CADPS: variants seen among roughly 807,000 people sequenced by gnomAD.
The protein encoded by CADPS is calcium-dependent secretion activator 1.
In CADPS, 57 loss-of-function variants were observed where a neutral mutation model predicts 167.3. The ratio of observed to expected loss-of-function variants is 0.34; its 90% CI spans 0.28 to 0.42. The LOEUF is 0.42. Among genes scored for constraint, CADPS ranks in the 20% least tolerant of loss-of-function variants. CADPS has a pLI of 1.00. For synonymous variants in CADPS, 676 were observed against 635.3 expected (o/e 1.06, Z -0.96); for missense variants, 1,414 against 1,738.1 (o/e 0.81, Z 3.32).
intron 3 of CADPS, among the ~76,000 whole-genome samples, chr3:62,749,063 T>C (rs1434857824): frequency 1.3e-5 from 2 of 152,226 alleles, no homozygotes; most frequent in Admixed American, 1.3e-4. Context: ...CAAGGGTCTA[T>C]GAAAAATAAA....
intron 12 of CADPS, among the ~76,000 whole-genome samples, chr3:62,533,413 G>T (rs188231633): frequency 1.4e-4 from 22 of 152,214 alleles, no homozygotes; most frequent in Admixed American, 5.9e-4. Context: ...TATTGGGGTG[G>T]GGATGTGGCA....
chr3:62,469,870 A>G (rs2060384169), intron 24 of CADPS, among the ~76,000 whole-genome samples: 1 of 152,128 alleles, frequency 6.6e-6, no homozygotes, highest in African/African-American at 2.4e-5. Context: ...GGGAACTACT[A>G]ATATTCAATG....
intron 3 of CADPS, among the ~76,000 whole-genome samples, chr3:62,732,789 G>A (rs1411358178): frequency 6.6e-6 from 1 of 152,180 alleles, no homozygotes; most frequent in Non-Finnish European, 1.5e-5. Context: ...TGGTTGTAAT[G>A]TCTTATGGTG....
chr3:62,410,336 G>T (rs146913926), intron 28 of CADPS, among the ~76,000 whole-genome samples: 1 of 152,314 alleles, frequency 6.6e-6, no homozygotes, highest in African/African-American at 2.4e-5. Context: ...GCATGTTCAA[G>T]CCATCTATAT....
At chr3:62,730,559 GGT>G (rs1358508280) in intron 3 of CADPS, among the ~76,000 whole-genome samples, 1 of 151,730 alleles carries the variant, frequency 6.6e-6, no homozygotes, top group Non-Finnish European at 1.5e-5. Context: ...TTCTAAGCTT[GGT>G]GACTTGGGTC....
intron 11 of CADPS, 73 bp downstream of exon 11, chr3:62,549,830 G>A: frequency 8.4e-7 from 1 of 1,186,478 alleles, no homozygotes; most frequent in South Asian, 1.4e-5. Flanking sequence ...AAGCAACTAG[G>A]TTTTCTAATT....
chr3:62,663,776 CCAT>C (rs1374578531), intron 3 of CADPS, among the ~76,000 whole-genome samples: 1 of 152,116 alleles, frequency 6.6e-6, no homozygotes, highest in African/African-American at 2.4e-5. Context: ...CATTGAAAAT[CCAT>C]CTGGCTTTAT....
At chr3:62,833,366 G>A (rs959944352) in intron 1 of CADPS, among the ~76,000 whole-genome samples, 3 of 151,732 alleles carry the variant, frequency 2.0e-5, no homozygotes, top group Non-Finnish European at 2.9e-5. Context: ...TGTTGCCCAG[G>A]CTGGTCTTGA....
rs561588589 is a variant in CADPS at position 62,433,272 on chromosome 3, A to G, written c.3777+4832T>C. 6.6e-6 allele frequency among the ~76,000 whole-genome samples: 1 copy of G among 152,324 alleles called. No homozygotes were observed. The highest frequency in any genetic ancestry group is 2.1e-4 in the South Asian group (1 of 4,828). On this transcript the variant is annotated intron_variant, in intron 28 of 29. Coordinates refer to ENST00000383710, the MANE Select transcript of CADPS (RefSeq NM_003716.4). This position sits in a 1 kb window ranked among gnomAD's most constrained non-coding sequence, Gnocchi z 4.7. Reference sequence around the variant, plus strand: ...ATTACCCTTTTCAAGGGAACTAGTCACACTCAATTATTGTTCTGCCACACA... The same window carrying G: ...ATTACCCTTTTCAAGGGAACTAGTCGCACTCAATTATTGTTCTGCCACACA...
At chr3:62,462,677 C>T (rs920102898) in intron 26 of CADPS, among the ~76,000 whole-genome samples, 7 of 152,174 alleles carry the variant, frequency 4.6e-5, no homozygotes, top group African/African-American at 1.7e-4. Context: ...GGCACTATCT[C>T]TATGCCTCTG....
intron 11 of CADPS, among the ~76,000 whole-genome samples, chr3:62,537,176 T>C (rs1490550799): frequency 1.3e-5 from 2 of 152,176 alleles, no homozygotes; most frequent in Admixed American, 1.3e-4. Flanking sequence ...TTAAGTTAAA[T>C]GGGAATTTAG....
At chr3:62,771,595 G>C (rs2152543821) in intron 1 of CADPS, among the ~76,000 whole-genome samples, 1 of 152,242 alleles carries the variant, frequency 6.6e-6, no homozygotes, top group South Asian at 2.1e-4. Context: ...CTTAGAGAGA[G>C]AATCCTCCTA....
chr3:62,710,065 C>T (rs1361232521), intron 3 of CADPS, among the ~76,000 whole-genome samples: 1 of 152,046 alleles, frequency 6.6e-6, no homozygotes, highest in African/African-American at 2.4e-5. Flanking sequence ...CCGTGCCTGG[C>T]CAGGTTCTAT....
intron 28 of CADPS, among the ~76,000 whole-genome samples, chr3:62,429,583 C>T (rs1454097653): frequency 1.3e-5 from 2 of 151,924 alleles, no homozygotes; most frequent in African/African-American, 4.8e-5. Flanking sequence ...ATATTTCTTC[C>T]ACAAAATGTG....
intron 28 of CADPS, among the ~76,000 whole-genome samples, chr3:62,422,680 G>T (rs1169480811): frequency 6.6e-6 from 1 of 152,130 alleles, no homozygotes; most frequent in Non-Finnish European, 1.5e-5. Context: ...TAATGATTTA[G>T]TTGCAACTCC....
chr3:62,645,622 G>C, intron 6 of CADPS, 100 bp downstream of exon 6: 1 of 1,289,082 alleles, frequency 7.8e-7, no homozygotes, highest in Admixed American at 2.3e-5. Flanking sequence ...ATGTCTTCTC[G>C]TATCTTCTGG....
chr3:62,619,316 C>A (rs1192058026), intron 6 of CADPS, among the ~76,000 whole-genome samples: 1 of 152,044 alleles, frequency 6.6e-6, no homozygotes, highest in Non-Finnish European at 1.5e-5. Context: ...TAAACTTGAA[C>A]CCTCAGGAAC....
At position 62,562,507 on chromosome 3, in the gene CADPS, T is replaced by G. The variant is rs115048894; in HGVS notation, c.1645-4994A>C. Reference sequence around the variant, plus strand: ...CTTTTTTTGATAATTAAAAAAGAATTTATTTCTTGTAGACATGGAGTCTCA... The same window carrying G: ...CTTTTTTTGATAATTAAAAAAGAATGTATTTCTTGTAGACATGGAGTCTCA... On this transcript the variant is annotated intron_variant, in intron 9 of 29. Coordinates refer to ENST00000383710, the MANE Select transcript of CADPS (RefSeq NM_003716.4). Among the ~76,000 whole-genome samples the G allele has an allele frequency of 4.8e-3, 728 of 152,250 alleles. 2 individuals carry two copies. The highest frequency in any genetic ancestry group is 0.016 in the African/African-American group (660 of 41,532).
intron 3 of CADPS, among the ~76,000 whole-genome samples, chr3:62,725,500 G>A (rs909612767): frequency 1.3e-5 from 2 of 152,152 alleles, no homozygotes; most frequent in African/African-American, 4.8e-5. Flanking sequence ...GCTCTTGCAC[G>A]AATTAGCTCT....
Sources: gnomAD v4.1 joint callset for allele counts (sites outside exome capture counted in the v4.1 genomes callset) on GRCh38, gnomAD v4.1.1 for gene constraint, Gnocchi (gnomAD v3.1) non-coding constraint, MANE v1.5 for transcripts, NCBI Gene and HGNC (gene_info 2026-07-23, HGNC 2026-07-21) for gene names.